Variants in MYZAP observed in about 807,000 individuals in gnomAD.
The protein encoded by MYZAP is GRINL1A complex locus upstream.
Under a neutral mutation model 69.4 loss-of-function variants are expected in MYZAP, and 66 were observed. That is an observed-to-expected ratio of 0.95 (90% confidence interval 0.78 to 1.17). The LOEUF is 1.17. MYZAP is among the 50% of genes most tolerant of loss of function. The probability of loss-of-function intolerance (pLI) is 0.00; values close to 1 mark genes in which losing one functional copy is unlikely to be tolerated. For synonymous variants in MYZAP, 256 were observed against 205.9 expected, an observed-to-expected ratio of 1.24 and a Z score of -2.09; for missense variants, 611 against 556.2, an observed-to-expected ratio of 1.10 and a Z score of -0.99.
At chr15:57,617,900 C>G (rs550389893) in intron 2 of MYZAP, 133 bp from the exon 3 acceptor site, 1 of 1,254,434 alleles carries the variant, frequency 8.0e-7, no homozygotes, top group African/African-American at 1.5e-5. Flanking sequence ...GATTTTTGCT[C>G]CCTCCATCTC....
chr15:57,617,043 T>C lies in MYZAP; in HGVS notation c.163-990T>C, dbSNP rs552446693. On this transcript the variant is annotated intron_variant, in intron 2 of 12. Transcript: ENST00000267853. ...TTGGATTTTTTCTTACTTCTGTCCC[T>C]TCCATGTTGTGGAGGCACCTACTCT... is the stretch of plus-strand genomic sequence containing the variant. 2.0e-4 allele frequency among the ~76,000 whole-genome samples: 31 copies of C among 152,028 alleles called. No individual in the cohort carries two copies. The South Asian group carries it at 3.3e-3, about 16-fold the overall frequency.
chr15:57,679,162 G>A (rs2039296588), intron 12 of MYZAP, among the ~76,000 whole-genome samples: 1 of 152,072 alleles, frequency 6.6e-6, no homozygotes, highest in Non-Finnish European at 1.5e-5. Flanking sequence ...GGCAACAAGA[G>A]TGAAACTCCG....
intron 1 of MYZAP, chr15:57,599,690 T>C: frequency 7.8e-7 from 1 of 1,288,926 alleles, no homozygotes; most frequent in South Asian, 1.2e-5. Context: ...ATCAGCCTCG[T>C]AAAATGCTCG....
intron 5 of MYZAP, among the ~76,000 whole-genome samples, chr15:57,629,281 G>A (rs1375420719): frequency 1.3e-5 from 2 of 152,000 alleles, no homozygotes; most frequent in African/African-American, 4.8e-5. Context: ...TTTCCCCCCA[G>A]TGCATAAACA....
intron 10 of MYZAP, 73 bp downstream of exon 10, chr15:57,639,618 C>T: frequency 6.6e-7 from 1 of 1,514,550 alleles, no homozygotes. Flanking sequence ...AACAAGTCTG[C>T]CTTGCCCCTC....
rs146448169 is a variant in MYZAP at position 57,610,977 on chromosome 15, CAAG to C, written c.162+6629_162+6631del. ...ACTGTAATGAGAACAGCAAAAAGAC[CAAG>C]AAGAAGGTGGACGGACAGACAGACT... On this transcript the variant is annotated intron_variant, in intron 2 of 12. Transcript: ENST00000267853. 2.1e-3 allele frequency among the ~76,000 whole-genome samples: 318 copies of C among 152,166 alleles called. 2 individuals are homozygous for C. The highest frequency in any genetic ancestry group is 7.3e-3 in the African/African-American group (301 of 41,482).
At chr15:57,607,627 T>A (rs2034837074) in intron 2 of MYZAP, among the ~76,000 whole-genome samples, 1 of 152,194 alleles carries the variant, frequency 6.6e-6, no homozygotes, top group Non-Finnish European at 1.5e-5. Flanking sequence ...GGACAGGCAC[T>A]GCTGGGATAG....
At chr15:57,669,027 A>G (rs1450969556) in intron 11 of MYZAP, among the ~76,000 whole-genome samples, 1 of 151,780 alleles carries the variant, frequency 6.6e-6, no homozygotes, top group Admixed American at 6.6e-5. Context: ...AGTAGCTGGC[A>G]CTGCAGGTGC....
Position 57,639,452 on chromosome 15 carries a change from G to A in MYZAP, c.1026G>A (p.Leu342=), listed in dbSNP as rs759992016. 2.5e-5 allele frequency: 40 copies of A among 1,613,982 alleles called. No individual in the cohort carries two copies. In the South Asian group the frequency reaches 4.2e-4, roughly 17 times the overall value. Residue 342 remains leucine (L), a synonymous_variant, in exon 10 of 13, where the codon TTG becomes TTA. Coordinates refer to ENST00000267853, the MANE Select transcript of MYZAP (RefSeq NM_001018100.5). ...TDSDKERYQQ[L]EEASASLRER... is the part of the protein sequence containing the mutation. The stretch of plus-strand genomic sequence containing the variant: ...CTATTTGTGTTAGGTATCAGCAGTT[G>A]GAGGAGGCATCAGCCAGCCTCCGTG...
intron 10 of MYZAP, among the ~76,000 whole-genome samples, chr15:57,658,236 C>T (rs563579641): frequency 2.0e-5 from 3 of 152,228 alleles, no homozygotes; most frequent in African/African-American, 7.2e-5. Flanking sequence ...TTTTTCCCCT[C>T]TTGTGCAGTA....
chr15:57,646,475 G>C (rs1054942194), intron 10 of MYZAP: 2 of 1,027,560 alleles, frequency 1.9e-6, no homozygotes, highest in Non-Finnish European at 2.3e-6. Flanking sequence ...ATTGAAGAAG[G>C]AACTGCAATG....
At chr15:57,620,726 G>A (rs1161180880) in intron 3 of MYZAP, among the ~76,000 whole-genome samples, 3 of 152,144 alleles carry the variant, frequency 2.0e-5, no homozygotes, top group Non-Finnish European at 4.4e-5. Context: ...TTCCATTCCA[G>A]ATATTTGATT....
chr15:57,626,510 C>A (rs1171823105), intron 5 of MYZAP, among the ~76,000 whole-genome samples: 4 of 152,224 alleles, frequency 2.6e-5, no homozygotes, highest in Non-Finnish European at 4.4e-5. Context: ...CAAGTGCTTC[C>A]CATTCTTACT....
intron 8 of MYZAP, among the ~76,000 whole-genome samples, chr15:57,636,016 A>C (rs1250571179): frequency 2.6e-5 from 4 of 152,258 alleles, no homozygotes; most frequent in Non-Finnish European, 5.9e-5. Flanking sequence ...TTACAAATGT[A>C]AGAAATAATT....
intron 4 of MYZAP, among the ~76,000 whole-genome samples, chr15:57,624,393 C>G (rs977358200): frequency 3.3e-5 from 5 of 152,106 alleles, no homozygotes; most frequent in African/African-American, 7.2e-5. Context: ...TCTCCCTACC[C>G]CATTTCTTGA....
chr15:57,642,212 G>A (rs1254723453), intron 10 of MYZAP, among the ~76,000 whole-genome samples: 1 of 152,228 alleles, frequency 6.6e-6, no homozygotes, highest in Non-Finnish European at 1.5e-5. Context: ...AAGACTGTGT[G>A]GAGGAAGTCT....
rs555155542 is a variant in MYZAP, at chr15:57,610,064, G to T, written c.162+5709G>T. 2.6e-5 allele frequency among the ~76,000 whole-genome samples: 4 copies of T among 152,298 alleles called. No individual in the cohort carries two copies. The East Asian group carries it at 7.7e-4, about 29-fold the overall frequency. ...ATCTGAGTTGATTCTGCGTCTTTATGATGGTAAAGTCCTTTGCAAATAGAT... is the reference window on the plus strand; with the variant it reads ...ATCTGAGTTGATTCTGCGTCTTTATTATGGTAAAGTCCTTTGCAAATAGAT... On this transcript the variant is annotated intron_variant, in intron 2 of 12. Coordinates refer to ENST00000267853, the MANE Select transcript of MYZAP (RefSeq NM_001018100.5).
chr15:57,599,105 A>G (rs575588270), intron 1 of MYZAP, among the ~76,000 whole-genome samples: 1 of 152,336 alleles, frequency 6.6e-6, no homozygotes, highest in East Asian at 1.9e-4. Flanking sequence ...CAACATTCCT[A>G]AGAGGGTATA....
rs916173934 is a variant in MYZAP at position 57,666,806 on chromosome 15, C to T, written c.1203+5273C>T. Among the ~76,000 whole-genome samples the T allele has an allele frequency of 3.9e-5, 6 of 152,176 alleles. No individual in the cohort carries two copies. The South Asian group carries it at 1.2e-3, about 32-fold the overall frequency. On this transcript the variant is annotated intron_variant, in intron 11 of 12. Coordinates refer to ENST00000267853, the MANE Select transcript of MYZAP (RefSeq NM_001018100.5). ...CTTTGTCACCAACCTGCACATGTGC[C>T]CTCTGATTCTAAAATAAATGTGAAA...
Sources: allele counts gnomAD v4.1 joint callset (sites outside exome capture counted in the v4.1 genomes callset), GRCh38; gene constraint gnomAD v4.1.1; transcripts MANE v1.5; gene names NCBI Gene and HGNC (gene_info 2026-07-23, HGNC 2026-07-21).